MRPS23: variants seen among roughly 807,000 people sequenced by gnomAD.
MRPS23 encodes the protein mitochondrial ribosomal protein S23.
MRPS23 carries 14 observed loss-of-function variants against 19.8 expected under a neutral mutation model. The observed-to-expected ratio is 0.71, with a 90% CI of 0.47 to 1.11. The LOEUF (loss-of-function observed/expected upper bound fraction) is 1.11, where lower values mean the gene tolerates loss of function less well. Among genes scored for constraint, MRPS23 ranks in the 50% least tolerant of loss-of-function variants. MRPS23 has a pLI of 0.00. For synonymous variants in MRPS23, 113 were observed against 89.7 expected (o/e 1.26, Z -1.47); for missense variants, 242 against 236.7 (o/e 1.02, Z -0.15).
At chr17:57,846,778 GGA>G (rs1166669392) in intron 2 of MRPS23, among the ~76,000 whole-genome samples, 1 of 151,908 alleles carries the variant, frequency 6.6e-6, no homozygotes, top group Non-Finnish European at 1.5e-5. Context: ...CAAACACTGC[GGA>G]AGAACGCAGG....
rs1260323691 is a variant in MRPS23 at position 57,839,639 on chromosome 17, T to C, written c.*144A>G. The C allele has an allele frequency of 9.4e-7, 1 of 1,062,896 alleles. No individual in the cohort carries two copies. Among genetic ancestry groups the C allele is most frequent in the Non-Finnish European group, 1.3e-6 (1 of 759,716 alleles). 65.8% of individuals were successfully genotyped at this position (1,062,896 alleles called of 1,614,324 possible). ...TGTCAAACCATGATACTGAGCTTTG[T>C]GACAACCCAGAAATAACTAAGAGAA... On this transcript the variant is annotated 3_prime_UTR_variant, in exon 5 of 5. Transcript: ENST00000313608.
At chr17:57,848,561 G>A (rs1350435937) in intron 2 of MRPS23, among the ~76,000 whole-genome samples, 1 of 151,790 alleles carries the variant, frequency 6.6e-6, no homozygotes, top group African/African-American at 2.4e-5. Context: ...TTTTAGTAGA[G>A]ACGGGGTTTC....
At chr17:57,845,837 A>C (rs1568016530) in intron 2 of MRPS23, among the ~76,000 whole-genome samples, 1 of 152,234 alleles carries the variant, frequency 6.6e-6, no homozygotes, top group South Asian at 2.1e-4. Context: ...TCAAGAGACG[A>C]TTAATAAGCA....
chr17:57,844,213 T>C (rs2073758121), intron 2 of MRPS23, among the ~76,000 whole-genome samples: 1 of 151,078 alleles, frequency 6.6e-6, no homozygotes, highest in Admixed American at 6.6e-5. Context: ...AATCATAGTG[T>C]ACTACAACCT....
chr17:57,838,500 A>C lies in MRPS23; in HGVS notation c.*1283T>G, dbSNP rs2073721106. The C allele has an allele frequency of 6.6e-6, 1 of 152,090 alleles. No individual in the cohort carries two copies. The highest frequency in any genetic ancestry group is 1.5e-5 in the Non-Finnish European group (1 of 68,028). The allele number at this position is 152,090 out of a possible 1,614,324, so 9.4% of individuals were successfully genotyped here. A position where few individuals can be genotyped will look rare whatever the true frequency, so the allele number is the denominator to read the frequency against. On this transcript the variant is annotated 3_prime_UTR_variant, in exon 5 of 5. Transcript: ENST00000313608. ...CCCTCAATTGTTCCTCTGAGAATAG[A>C]CTGTGTCTTTCACCTGCTTTTTAAG...
intron 2 of MRPS23, among the ~76,000 whole-genome samples, chr17:57,841,753 G>C (rs999393518): frequency 2.6e-5 from 4 of 151,978 alleles, no homozygotes; most frequent in African/African-American, 9.7e-5. Flanking sequence ...TTGCAACTGG[G>C]AGTTCAGCAT....
intron 3 of MRPS23, 24 bp downstream of exon 3, chr17:57,841,159 C>G (rs1336905700): frequency 6.2e-7 from 1 of 1,613,334 alleles, no homozygotes; most frequent in Non-Finnish European, 8.5e-7. Context: ...ATATGAATAG[C>G]CTAGGACTTA....
intron 2 of MRPS23, among the ~76,000 whole-genome samples, chr17:57,846,219 C>T (rs1265579734): frequency 1.4e-5 from 2 of 139,780 alleles, no homozygotes; most frequent in Non-Finnish European, 3.0e-5. Context: ...GGGCAGCCCC[C>T]GCCTGGCCAG....
At chr17:57,841,842 G>C (rs984189613) in intron 2 of MRPS23, among the ~76,000 whole-genome samples, 3 of 152,182 alleles carry the variant, frequency 2.0e-5, no homozygotes, top group African/African-American at 7.2e-5. Context: ...AGCTACTTGG[G>C]AGGGTTAGGT....
At chr17:57,848,960 G>A (rs1597954929) in intron 2 of MRPS23, 1 of 344,890 alleles carries the variant, frequency 2.9e-6, no homozygotes. Flanking sequence ...ATGAGATAAT[G>A]CTTGCAAAGA....
chr17:57,842,864 T>TAAAA (rs746598526), intron 2 of MRPS23, among the ~76,000 whole-genome samples: 802 of 79,284 alleles, frequency 0.01, 38 homozygotes, highest in African/African-American at 0.035. Flanking sequence ...ACCCTGTCTC[T>TAAAA]AAAAAAAAAA....
At position 57,843,953 on chromosome 17, in the gene MRPS23, TTC is replaced by T. The variant is rs1568016069; in HGVS notation, c.216-2695_216-2694del. 4.6e-5 allele frequency among the ~76,000 whole-genome samples: 7 copies of T among 152,292 alleles called. No individual in the cohort carries two copies. The South Asian group carries it at 1.4e-3, about 32-fold the overall frequency. On this transcript the variant is annotated intron_variant, in intron 2 of 4. Transcript: ENST00000313608. The stretch of plus-strand genomic sequence containing the variant: ...TTTTTATACAGAAAATTTTAATATT[TTC>T]TTTTTATGGCTTCTGAGTTTTATAT...
intron 2 of MRPS23, among the ~76,000 whole-genome samples, chr17:57,841,625 C>T (rs998919641): frequency 6.6e-5 from 10 of 152,204 alleles, no homozygotes; most frequent in African/African-American, 2.4e-4. Context: ...ACATTTTTAA[C>T]CCCAAGAATA....
At chr17:57,847,120 C>A (rs1267011517) in intron 2 of MRPS23, among the ~76,000 whole-genome samples, 2 of 150,202 alleles carry the variant, frequency 1.3e-5, no homozygotes, top group East Asian at 2.0e-4. Context: ...CATGGTGAAA[C>A]CCCATCTCTA....
chr17:57,846,067 G>T (rs990088593), intron 2 of MRPS23, among the ~76,000 whole-genome samples: 5 of 145,356 alleles, frequency 3.4e-5, no homozygotes, highest in Non-Finnish European at 6.0e-5. Flanking sequence ...TAGTCCCAAA[G>T]AAGTGTGACA....
intron 2 of MRPS23, among the ~76,000 whole-genome samples, chr17:57,843,306 G>A (rs1355869042): frequency 1.3e-5 from 2 of 150,894 alleles, no homozygotes; most frequent in South Asian, 2.1e-4. Context: ...ACACACACAT[G>A]TTCTCCAACT....
rs759801145 is a variant in MRPS23 at position 57,835,760 on chromosome 17, T to C, written c.*4023A>G. The C allele has an allele frequency of 5.3e-5, 8 of 152,170 alleles. No homozygotes were observed. The highest frequency in any genetic ancestry group is 1.0e-4 in the Non-Finnish European group (7 of 68,034). 9.4% of individuals were successfully genotyped at this position (152,170 alleles called of 1,614,324 possible). ...ATACTGTGACAGGCACAGGGTCACA[T>C]AGTAAAAACTGCCTGGAGTATCCAG... is the stretch of plus-strand genomic sequence containing the variant. On this transcript the variant is annotated 3_prime_UTR_variant, in exon 5 of 5. Transcript: ENST00000313608.
rs1467507837 is a variant in MRPS23 at position 57,837,537 on chromosome 17, G to C, written c.*2246C>G. 3 of 152,296 alleles carry C rather than the reference G, an allele frequency of 2.0e-5. No individual in the cohort carries two copies. Among genetic ancestry groups the C allele is most frequent in the Non-Finnish European group, 2.9e-5 (2 of 68,110 alleles). 9.4% of individuals were successfully genotyped at this position (152,296 alleles called of 1,614,324 possible). On this transcript the variant is annotated 3_prime_UTR_variant, in exon 5 of 5. Coordinates refer to ENST00000313608, the MANE Select transcript of MRPS23 (RefSeq NM_016070.4). ...TTTCTGGAAGAGCGCACAAGGAAATGGTGATAGTGATGGCCTCAGGGAAGG... is the reference window on the plus strand; with the variant it reads ...TTTCTGGAAGAGCGCACAAGGAAATCGTGATAGTGATGGCCTCAGGGAAGG...
rs72033122 is a variant in MRPS23, at chr17:57,837,988, T to TAA, written c.*1793_*1794dup. On this transcript the variant is annotated 3_prime_UTR_variant, in exon 5 of 5. Transcript: ENST00000313608. ...AGACCCCCATCTCCTAAAACAAAAT[T>TAA]AAAAAAAAAAAAAATTAAGGCCAGG... 0.14 allele frequency: 18,900 copies of TAA among 134,294 alleles called. 1,409 individuals are homozygous for TAA. The highest frequency in any genetic ancestry group is 0.25 in the South Asian group (1,052 of 4,258). The allele number at this position is 134,294 out of a possible 1,614,324, so 8.3% of individuals were successfully genotyped here.
Sources: allele counts gnomAD v4.1 joint callset (sites outside exome capture counted in the v4.1 genomes callset), GRCh38; gene constraint gnomAD v4.1.1; transcripts MANE v1.5; gene names NCBI Gene and HGNC (gene_info 2026-07-23, HGNC 2026-07-21).